The following MYO1D variants were observed in gnomAD, a reference collection of about 807,000 sequenced individuals.
MYO1D encodes myosin ID, also known as unconventional myosin-Id.
Under a neutral mutation model 122.0 loss-of-function variants are expected in MYO1D, and 83 were observed. That is an observed-to-expected ratio of 0.68 (90% CI 0.57 to 0.82). The LOEUF (loss-of-function observed/expected upper bound fraction) is 0.82, where lower values mean the gene tolerates loss of function less well. Among genes scored for constraint, MYO1D ranks in the 40% least tolerant of loss-of-function variants. The pLI is 0.00. For missense variants in MYO1D, 1,157 were observed against 1,269.5 expected (o/e 0.91, Z 1.35); for synonymous variants, 464 against 446.9 (o/e 1.04, Z -0.48).
chr17:32,628,166 T>G (rs1227210022), intron 20 of MYO1D, among the ~76,000 whole-genome samples: 1 of 152,250 alleles, frequency 6.6e-6, no homozygotes, highest in Non-Finnish European at 1.5e-5. Flanking sequence ...CTACTGTCCC[T>G]GTAAAAATTT....
intron 1 of MYO1D, among the ~76,000 whole-genome samples, chr17:32,860,356 T>G (rs764543382): frequency 6.6e-6 from 1 of 152,180 alleles, no homozygotes; most frequent in South Asian, 2.1e-4. Context: ...CTGACTGATA[T>G]AGAGTGAAGC....
intron 1 of MYO1D, among the ~76,000 whole-genome samples, chr17:32,799,665 CAA>C (rs557104997): frequency 5.2e-5 from 7 of 134,776 alleles, no homozygotes; most frequent in Non-Finnish European, 3.3e-5. Flanking sequence ...AGAGCAAAAC[CAA>C]AAAAAAAAAA....
chr17:32,501,077 A>G (rs1391387398), intron 21 of MYO1D, among the ~76,000 whole-genome samples: 1 of 152,104 alleles, frequency 6.6e-6, no homozygotes, highest in African/African-American at 2.4e-5. Context: ...TTGAACTGCC[A>G]TATCACCCAG....
At chr17:32,811,853 T>C (rs2090575354) in intron 1 of MYO1D, among the ~76,000 whole-genome samples, 1 of 152,172 alleles carries the variant, frequency 6.6e-6, no homozygotes, top group African/African-American at 2.4e-5. Context: ...AGCTGTCATA[T>C]GCACGTGTTG....
rs116566357 is a variant in MYO1D at position 32,548,411 on chromosome 17, G to C, written c.2865-53496C>G. 6.4e-3 allele frequency among the ~76,000 whole-genome samples: 963 copies of C among 150,560 alleles called. 9 individuals are homozygous for C. Among genetic ancestry groups the C allele is most frequent in the African/African-American group, 0.022 (902 of 40,868 alleles). On this transcript the variant is annotated intron_variant, in intron 21 of 21. Coordinates refer to ENST00000318217, the MANE Select transcript of MYO1D (RefSeq NM_015194.3). ...CCACTGCACTCCAGCCTGGGTGACA[G>C]AGCGAGACCTGTCTCAAGAAAAAAA...
chr17:32,685,308 T>G (rs1042848547), intron 16 of MYO1D, among the ~76,000 whole-genome samples: 4 of 152,206 alleles, frequency 2.6e-5, no homozygotes, highest in African/African-American at 9.7e-5. Flanking sequence ...CTTGGTTGGA[T>G]TATTTAGATG....
intron 20 of MYO1D, among the ~76,000 whole-genome samples, chr17:32,634,715 A>C (rs1454853804): frequency 6.6e-6 from 1 of 152,224 alleles, no homozygotes; most frequent in Non-Finnish European, 1.5e-5. Context: ...GAGATTCATG[A>C]GCACAATTTT....
intron 5 of MYO1D, 130 bp from the exon 6 acceptor site, chr17:32,771,350 G>T: frequency 1.7e-6 from 1 of 593,118 alleles, no homozygotes; most frequent in Non-Finnish European, 2.8e-6. Context: ...TAGCTTTGAA[G>T]TTTTGCTTGT....
chr17:32,723,372 T>C (rs1041643039), intron 14 of MYO1D, among the ~76,000 whole-genome samples: 1 of 152,184 alleles, frequency 6.6e-6, no homozygotes. Flanking sequence ...AAGAACTGAA[T>C]TGAATTGTAG....
intron 20 of MYO1D, chr17:32,632,364 G>C (rs542573283): frequency 1.3e-5 from 2 of 152,036 alleles, no homozygotes; most frequent in Non-Finnish European, 2.9e-5. Context: ...ACAATTAGGA[G>C]ATTTCACATA....
At chr17:32,733,891 C>T (rs2089667653) in intron 14 of MYO1D, among the ~76,000 whole-genome samples, 1 of 152,132 alleles carries the variant, frequency 6.6e-6, no homozygotes, top group Non-Finnish European at 1.5e-5. Flanking sequence ...ACCTCATTCA[C>T]CATGTTGCCA....
Position 32,821,579 on chromosome 17 carries a change from G to T in MYO1D, c.96-40795C>A, listed in dbSNP as rs372918478. On this transcript the variant is annotated intron_variant, in intron 1 of 21. Coordinates refer to ENST00000318217, the MANE Select transcript of MYO1D (RefSeq NM_015194.3). ...ACACACACACACACATCTTTGACTG[G>T]AACTTCTCTATGGATCCAGGGAGAT... 7.6e-5 allele frequency among the ~76,000 whole-genome samples: 11 copies of T among 145,520 alleles called. No homozygotes were observed. In the East Asian group the frequency reaches 1.8e-3, roughly 23 times the overall value.
At position 32,664,149 on chromosome 17, in the gene MYO1D, T is replaced by C. The variant is rs12603703; in HGVS notation, c.2122-4811A>G. 4.5e-3 allele frequency among the ~76,000 whole-genome samples: 690 copies of C among 152,310 alleles called. 48 individuals carry two copies. The East Asian group carries it at 0.12, about 26-fold the overall frequency. ...CATTGAAAACTACAGAGGAAAATGA[T>C]TTTACAGGAAAAAATGATTCATGCA... On this transcript the variant is annotated intron_variant, in intron 16 of 21. Coordinates refer to ENST00000318217, the MANE Select transcript of MYO1D (RefSeq NM_015194.3).
intron 16 of MYO1D, among the ~76,000 whole-genome samples, chr17:32,679,701 C>T (rs2088879016): frequency 6.6e-6 from 1 of 152,148 alleles, no homozygotes; most frequent in African/African-American, 2.4e-5. Flanking sequence ...TGTGATTCCT[C>T]CAGCTTTGTT....
chr17:32,774,399 A>G (rs1383868781), intron 4 of MYO1D, among the ~76,000 whole-genome samples: 2 of 152,158 alleles, frequency 1.3e-5, no homozygotes, highest in Non-Finnish European at 2.9e-5. Flanking sequence ...TTTAACCTGG[A>G]GCCTAAAGAT....
At chr17:32,781,197 ATT>A (rs1445098617) in intron 1 of MYO1D, among the ~76,000 whole-genome samples, 1 of 152,174 alleles carries the variant, frequency 6.6e-6, no homozygotes, top group Non-Finnish European at 1.5e-5. Context: ...ATATACATTT[ATT>A]TTTTTCTCCC....
intron 16 of MYO1D, among the ~76,000 whole-genome samples, chr17:32,696,674 T>C (rs139289404): frequency 1.1e-4 from 16 of 152,352 alleles, no homozygotes; most frequent in Admixed American, 2.0e-4. Flanking sequence ...TGCTGCCACA[T>C]GTGTTTGCTT....
At chr17:32,810,911 G>A (rs536954925) in intron 1 of MYO1D, among the ~76,000 whole-genome samples, 36 of 152,076 alleles carry the variant, frequency 2.4e-4, no homozygotes, top group Admixed American at 2.0e-3. Flanking sequence ...AAATTATCTG[G>A]CCTTTTAAAT....
intron 1 of MYO1D, among the ~76,000 whole-genome samples, chr17:32,840,195 C>G (rs1303027604): frequency 2.6e-5 from 4 of 152,080 alleles, no homozygotes. Flanking sequence ...AACAAAAAGC[C>G]CAGGGTGTTA....
Sources: allele counts gnomAD v4.1 joint callset (sites outside exome capture counted in the v4.1 genomes callset), GRCh38; gene constraint gnomAD v4.1.1; transcripts MANE v1.5; gene names NCBI Gene and HGNC (gene_info 2026-07-23, HGNC 2026-07-21).